Variants in RILP observed in about 807,000 individuals in gnomAD.
RILP encodes rab-interacting lysosomal protein.
In RILP, 53 loss-of-function variants were observed where a neutral mutation model predicts 40.0. That is an observed-to-expected ratio of 1.32 (90% CI 1.06 to 1.66). RILP has a LOEUF of 1.66. Ranked by LOEUF, RILP falls within the 40% of genes most tolerant of loss-of-function variation. The probability of loss-of-function intolerance (pLI) is 0.00; values close to 1 mark genes in which losing one functional copy is unlikely to be tolerated. For missense variants in RILP, 626 were observed against 551.7 expected (o/e 1.13, Z -1.35); for synonymous variants, 272 against 250.6 (o/e 1.09, Z -0.80).
In RILP at chr17:1,647,937, C is replaced by G. The variant is rs34982553; in HGVS notation, c.842G>C (p.Arg281Pro). 2 of 1,613,864 alleles carry G rather than the reference C, an allele frequency of 1.2e-6. No homozygotes were observed. The highest frequency in any genetic ancestry group is 4.5e-5 in the East Asian group (2 of 44,892). The change falls in exon 6 of 8, where the codon CGG becomes CCG. Residue 281 changes from arginine (R) to proline (P), a missense_variant. Physicochemically the swap from Arg to Pro is moderately radical, Grantham distance 103. Coordinates refer to ENST00000301336, the MANE Select transcript of RILP (RefSeq NM_031430.3). ...GGCCTCGAGCAGAAGGCCGGGGACC[C>G]GGTGGTCTGTGAGCAGCTCCCTAAA... ...YFQRELLTDH[R>P]VPGLLLEAMK...
chr17:1,649,667 G>A lies in RILP; in HGVS notation c.138C>T (p.Phe46=). 1 of 1,589,696 alleles carries A rather than the reference G, an allele frequency of 6.3e-7. No individual in the cohort carries two copies. Residue 46 remains phenylalanine, a synonymous_variant, in exon 1 of 8, where the codon TTC becomes TTT. Transcript: ENST00000301336. This position sits in a 1 kb window ranked among gnomAD's most constrained non-coding sequence, Gnocchi z 4.3. ...CCAGCCCGGCCGCCGCCTCCGGCCC[G>A]AAACGGCGCGCCAGATCCTGCAGCT... The part of the protein sequence containing the change: ...GTELQDLARR[F]GPEAAAGLVP...
Position 1,649,253 on chromosome 17 carries a change from C to T in RILP, c.376G>A (p.Glu126Lys). The change falls in exon 3 of 8, where the codon GAA becomes AAA. Residue 126 changes from glutamate to lysine, a missense_variant. Physicochemically the swap from Glu to Lys is moderately conservative, Grantham distance 56. Transcript: ENST00000301336. The surrounding 1 kb of genome is among the most constrained non-coding windows in gnomAD (Gnocchi z 4.3). ...LKEVTDRQRD[E>K]LRAHNRDLRQ... is the part of the protein sequence containing the mutation. Reference sequence around the variant, plus strand: ...AGGTCGCGGTTGTGCGCCCGGAGTTCGTCCCGCTGTCGGTCCGTGACCTCC... The same window carrying T: ...AGGTCGCGGTTGTGCGCCCGGAGTTTGTCCCGCTGTCGGTCCGTGACCTCC... 2 of 1,481,760 alleles carry T rather than the reference C, an allele frequency of 1.3e-6. No homozygotes were observed. The highest frequency in any genetic ancestry group is 1.5e-5 in the African/African-American group (1 of 68,284). The allele number at this position is 1,481,760 out of a possible 1,614,324, so 91.8% of individuals were successfully genotyped here.
upstream of RILP, chr17:1,649,866 CG>C (rs201633589): frequency 2.0e-3 from 2,729 of 1,361,260 alleles, 37 homozygotes; most frequent in African/African-American, 0.034. This position sits in a 1 kb window ranked among gnomAD's most constrained non-coding sequence, Gnocchi z 4.3. Context: ...CGGGGAAAAG[CG>C]AAACAGTTCC....
In RILP at chr17:1,648,055, T is replaced by C; in HGVS notation, c.822-98A>G. On this transcript the variant is annotated intron_variant, in intron 5 of 7. Coordinates refer to ENST00000301336, the MANE Select transcript of RILP (RefSeq NM_031430.3). The surrounding 1 kb of genome is among the most constrained non-coding windows in gnomAD (Gnocchi z 4.9). ...AGCCGCAGTCCTCACTCCTGGTACC[T>C]GTGCACGCAGCTCTTCCCTGAACAC... 6.8e-7 allele frequency: 1 copy of C among 1,480,526 alleles called. No homozygotes were observed. The highest frequency in any genetic ancestry group is 1.9e-5 in the Admixed American group (1 of 53,670). The allele number at this position is 1,480,526 out of a possible 1,614,324, so 91.7% of individuals were successfully genotyped here. A position where few individuals can be genotyped will look rare whatever the true frequency, so the allele number is the denominator to read the frequency against.
In RILP at chr17:1,649,069, TG is replaced by T; in HGVS notation, c.430-26del. The T allele has an allele frequency of 2.3e-4, 4 of 17,730 alleles. No homozygotes were observed. The highest frequency in any genetic ancestry group is 3.5e-4 in the Non-Finnish European group (4 of 11,346). 1.1% of individuals were successfully genotyped at this position (17,730 alleles called of 1,614,324 possible). A position where few individuals can be genotyped will look rare whatever the true frequency, so the allele number is the denominator to read the frequency against. On this transcript the variant is annotated intron_variant, in intron 3 of 7. Coordinates refer to ENST00000301336, the MANE Select transcript of RILP (RefSeq NM_031430.3). This position sits in a 1 kb window ranked among gnomAD's most constrained non-coding sequence, Gnocchi z 4.3. Reference sequence around the variant, plus strand: ...ACTGGGAGCGGAGCAAAGGGTGGGGTGGGCGGGGCACCGAGGGCCCCCCGGA... The same window carrying T: ...ACTGGGAGCGGAGCAAAGGGTGGGGTGGCGGGGCACCGAGGGCCCCCCGGA...
Position 1,648,829 on chromosome 17 carries a change from G to A in RILP, c.645C>T (p.Gly215=), listed in dbSNP as rs1399644251. 1.3e-6 allele frequency: 2 copies of A among 1,525,480 alleles called. No individual in the cohort carries two copies. The highest frequency in any genetic ancestry group is 1.7e-6 in the Non-Finnish European group (2 of 1,148,216). The allele number at this position is 1,525,480 out of a possible 1,614,324, so 94.5% of individuals were successfully genotyped here. ...CCTCAGGGTTCCCTGGGGCGCCTGC[G>A]CCGGCGGTCGCCCATTCGGGCTCCT... ...HGQEPEWATA[G]AGAPGNPEDP... The change falls in exon 4 of 8, where the codon GGC becomes GGT. Residue 215 remains glycine, a synonymous_variant. Coordinates refer to ENST00000301336, the MANE Select transcript of RILP (RefSeq NM_031430.3). The surrounding 1 kb of genome is among the most constrained non-coding windows in gnomAD (Gnocchi z 4.9).
At position 1,649,652 on chromosome 17, in the gene RILP, C is replaced by T; in HGVS notation, c.153G>A (p.Ala51=). The T allele has an allele frequency of 6.3e-7, 1 of 1,587,908 alleles. No homozygotes were observed. The highest frequency in any genetic ancestry group is 2.3e-5 in the East Asian group (1 of 44,374). The change falls in exon 1 of 8, where the codon GCG becomes GCA. Residue 51 remains alanine, a synonymous_variant. Transcript: ENST00000301336. The surrounding 1 kb of genome is among the most constrained non-coding windows in gnomAD (Gnocchi z 4.3). Reference sequence around the variant, plus strand: ...GCACCACTAGCGGCACCAGCCCGGCCGCCGCCTCCGGCCCGAAACGGCGCG... The same window carrying T: ...GCACCACTAGCGGCACCAGCCCGGCTGCCGCCTCCGGCCCGAAACGGCGCG... ...DLARRFGPEA[A]AGLVPLVVRA...
chr17:1,649,436 T>C lies in RILP; in HGVS notation c.298A>G (p.Arg100Gly). Reference protein sequence around the residue: ...RLREENERLRRELRAGPQEER... With the variant: ...RLREENERLRGELRAGPQEER... ...CCCTGTGGCCCCGCGCGCAGCTCCC[T>C]GCGGAGGCGCTCGTTCTCCTCCCGC... Residue 100 changes from arginine (R) to glycine (G), a missense_variant, in exon 2 of 8, where the codon AGG becomes GGG. Transcript: ENST00000301336. The surrounding 1 kb of genome is among the most constrained non-coding windows in gnomAD (Gnocchi z 4.3). 1.3e-6 allele frequency: 2 copies of C among 1,510,972 alleles called. No individual in the cohort carries two copies. The highest frequency in any genetic ancestry group is 5.3e-5 in the East Asian group (2 of 37,774). 93.6% of individuals were successfully genotyped at this position (1,510,972 alleles called of 1,614,324 possible).
In RILP at chr17:1,648,517, C is replaced by A; in HGVS notation, c.676-22G>T. ...CCGCCTTTGGAAGGACAGGCACAGT[C>A]AGAGGGTCGCCTCGGCTGGCGTTCC... On this transcript the variant is annotated intron_variant, in intron 4 of 7. Transcript: ENST00000301336. The surrounding 1 kb of genome is among the most constrained non-coding windows in gnomAD (Gnocchi z 4.9). The A allele has an allele frequency of 6.2e-7, 1 of 1,607,872 alleles. No homozygotes were observed. The highest frequency in any genetic ancestry group is 8.5e-7 in the Non-Finnish European group (1 of 1,178,122).
At position 1,648,700 on chromosome 17, in the gene RILP, T is replaced by C; in HGVS notation, c.675+99A>G. ...ATCTGTCTGCCACCTCCCCGCTTCC[T>C]GGCCGACCTGCTGTGCAGCATGCAA... On this transcript the variant is annotated intron_variant, in intron 4 of 7. Transcript: ENST00000301336. The surrounding 1 kb of genome is among the most constrained non-coding windows in gnomAD (Gnocchi z 4.9). 7.0e-7 allele frequency: 1 copy of C among 1,431,288 alleles called. No individual in the cohort carries two copies. Among genetic ancestry groups the C allele is most frequent in the Admixed American group, 2.8e-5 (1 of 35,330 alleles). The allele number at this position is 1,431,288 out of a possible 1,614,324, so 88.7% of individuals were successfully genotyped here.
Position 1,647,876 on chromosome 17 carries a change from G to T in RILP, c.903C>A (p.Ile301=). 1 of 1,614,174 alleles carries T rather than the reference G, an allele frequency of 6.2e-7. No individual in the cohort carries two copies. The highest frequency in any genetic ancestry group is 1.6e-4 in the Middle Eastern group (1 of 6,062). Residue 301 remains isoleucine, a synonymous_variant, in exon 6 of 8, where the codon ATC becomes ATA. Coordinates refer to ENST00000301336, the MANE Select transcript of RILP (RefSeq NM_031430.3). ...CTGGTGTCCCTAACATCTTGGCCTT[G>T]ATCTTCTTCCGCTGCTTCCGGACAG... ...KVAVRKQRKK[I]KAKMLGTPEE... is the part of the protein sequence containing the mutation.
Position 1,649,741 on chromosome 17 carries a change from C to A in RILP, c.64G>T (p.Ala22Ser), listed in dbSNP as rs1486293562. Residue 22 changes from alanine to serine, a missense_variant, in exon 1 of 8, where the codon GCA becomes TCA. Transcript: ENST00000301336. The surrounding 1 kb of genome is among the most constrained non-coding windows in gnomAD (Gnocchi z 4.3). ...GWGSREAAGS[A>S]SAAELVYHLA... Reference sequence around the variant, plus strand: ...TGGTACACAAGCTCCGCGGCCGATGCCGACCCCGCGGCCTCCCGAGACCCC... The same window carrying A: ...TGGTACACAAGCTCCGCGGCCGATGACGACCCCGCGGCCTCCCGAGACCCC... 2 of 1,588,942 alleles carry A rather than the reference C, an allele frequency of 1.3e-6. No individual in the cohort carries two copies. Among genetic ancestry groups the A allele is most frequent in the Non-Finnish European group, 1.7e-6 (2 of 1,175,096 alleles).
chr17:1,649,385 C>G lies in RILP; in HGVS notation c.322+27G>C. Reference sequence around the variant, plus strand: ...GAGGACCCGAGCAGGTCGTCACCCGCCCTGCCCTGGCCGGGGCTGCGCTTA... The same window carrying G: ...GAGGACCCGAGCAGGTCGTCACCCGGCCTGCCCTGGCCGGGGCTGCGCTTA... On this transcript the variant is annotated intron_variant, in intron 2 of 7. Coordinates refer to ENST00000301336, the MANE Select transcript of RILP (RefSeq NM_031430.3). The surrounding 1 kb of genome is among the most constrained non-coding windows in gnomAD (Gnocchi z 4.3). 1 of 1,498,132 alleles carries G rather than the reference C, an allele frequency of 6.7e-7. No individual in the cohort carries two copies. The highest frequency in any genetic ancestry group is 2.8e-5 in the East Asian group (1 of 36,338). 92.8% of individuals were successfully genotyped at this position (1,498,132 alleles called of 1,614,324 possible).
Position 1,649,081 on chromosome 17 carries a change from C to T in RILP, c.430-37G>A. Reference sequence around the variant, plus strand: ...GCAAAGGGTGGGGTGGGCGGGGCACCGAGGGCCCCCCGGAGCCCCGCCCAG... The same window carrying T: ...GCAAAGGGTGGGGTGGGCGGGGCACTGAGGGCCCCCCGGAGCCCCGCCCAG... On this transcript the variant is annotated intron_variant, in intron 3 of 7. Coordinates refer to ENST00000301336, the MANE Select transcript of RILP (RefSeq NM_031430.3). This position sits in a 1 kb window ranked among gnomAD's most constrained non-coding sequence, Gnocchi z 4.3. The T allele has an allele frequency of 8.3e-7, 1 of 1,209,816 alleles. No homozygotes were observed. Among genetic ancestry groups the T allele is most frequent in the Non-Finnish European group, 1.0e-6 (1 of 965,952 alleles). 74.9% of individuals were successfully genotyped at this position (1,209,816 alleles called of 1,614,324 possible). A position where few individuals can be genotyped will look rare whatever the true frequency, so the allele number is the denominator to read the frequency against.
In RILP at chr17:1,649,663, G is replaced by A. The variant is rs1158644680; in HGVS notation, c.142C>T (p.Pro48Ser). The A allele has an allele frequency of 6.3e-7, 1 of 1,589,168 alleles. No homozygotes were observed. The highest frequency in any genetic ancestry group is 8.5e-7 in the Non-Finnish European group (1 of 1,175,418). Residue 48 changes from proline to serine, a missense_variant, in exon 1 of 8, where the codon CCG (proline) becomes TCG (serine). Physicochemically the swap from Pro to Ser is moderately conservative, Grantham distance 74. Coordinates refer to ENST00000301336, the MANE Select transcript of RILP (RefSeq NM_031430.3). The surrounding 1 kb of genome is among the most constrained non-coding windows in gnomAD (Gnocchi z 4.3). The stretch of plus-strand genomic sequence containing the variant: ...GGCACCAGCCCGGCCGCCGCCTCCG[G>A]CCCGAAACGGCGCGCCAGATCCTGC... ...ELQDLARRFGPEAAAGLVPLV... is the reference protein window; with the variant it reads ...ELQDLARRFGSEAAAGLVPLV...
rs775154367 is a variant in RILP at position 1,646,620 on chromosome 17, C to G, written c.1029-1G>C. On this transcript the variant is annotated splice_acceptor_variant, in intron 7 of 7. Transcript: ENST00000301336. LOFTEE classifies it high-confidence loss of function. This position sits in a 1 kb window ranked among gnomAD's most constrained non-coding sequence, Gnocchi z 4.3. ...TTTACCCCGATACCATAGGCCAAAG[C>G]TGGAGAGAGACAGCCAGAGGCACTT... 1.0e-5 allele frequency: 16 copies of G among 1,567,500 alleles called. No individual in the cohort carries two copies. In the African/African-American group the frequency reaches 2.0e-4, roughly 20 times the overall value.
chr17:1,647,162 C>A (rs1338036778), intron 6 of RILP, among the ~76,000 whole-genome samples, 173 bp from the exon 7 acceptor site: 5 of 151,220 alleles, frequency 3.3e-5, no homozygotes, highest in Non-Finnish European at 7.4e-5. Flanking sequence ...TTTTTTGAGA[C>A]AGGGTCTCAC....
rs775111929 is a variant in RILP, at chr17:1,649,756, C to T, written c.49G>A (p.Glu17Lys). 8.1e-5 allele frequency: 129 copies of T among 1,585,570 alleles called. No homozygotes were observed. Among genetic ancestry groups the T allele is most frequent in the Admixed American group, 1.4e-4 (8 of 58,336 alleles). The stretch of plus-strand genomic sequence containing the variant: ...GCGGCCGATGCCGACCCCGCGGCCT[C>T]CCGAGACCCCCAGCCAGGCACCCCG... ...APGVPGWGSREAAGSASAAEL... is the reference protein window; with the variant it reads ...APGVPGWGSRKAAGSASAAEL... Residue 17 changes from glutamate (E) to lysine (K), a missense_variant, in exon 1 of 8, where the codon GAG becomes AAG. By Grantham distance (56) the Glu-to-Lys change is moderately conservative. Transcript: ENST00000301336. This position sits in a 1 kb window ranked among gnomAD's most constrained non-coding sequence, Gnocchi z 4.3.
chr17:1,647,982 GAA>G (rs753040844), intron 5 of RILP, 25 bp from the exon 6 acceptor site: 3 of 1,612,680 alleles, frequency 1.9e-6, no homozygotes, highest in South Asian at 2.2e-5. Flanking sequence ...CAGGGAGGGA[GAA>G]AGCCCTGGTG....
Sources: gnomAD v4.1 joint callset for allele counts (sites outside exome capture counted in the v4.1 genomes callset) on GRCh38, gnomAD v4.1.1 for gene constraint, Gnocchi (gnomAD v3.1) non-coding constraint, MANE v1.5 for transcripts, NCBI Gene and HGNC (gene_info 2026-07-23, HGNC 2026-07-21) for gene names.